The following NIBAN2 variants were observed in gnomAD, a reference collection of about 807,000 sequenced individuals.
NIBAN2 encodes protein Niban 2.
Under a neutral mutation model 81.8 loss-of-function variants are expected in NIBAN2, and 36 were observed. The observed-to-expected ratio is 0.44, with a 90% CI of 0.34 to 0.58. The LOEUF is 0.58. NIBAN2 is among the 20% of genes least tolerant of loss of function. The pLI, the probability that NIBAN2 is intolerant of heterozygous loss-of-function variation, is 0.02. For missense variants in NIBAN2, 897 were observed against 1,014.1 expected (o/e 0.88, Z 1.57); for synonymous variants, 445 against 441.6 (o/e 1.01, Z -0.10).
rs1473349590 is a variant in NIBAN2, at chr9:127,506,822, G to A, written c.*23C>T. 3.2e-6 allele frequency: 5 copies of A among 1,572,074 alleles called. No individual in the cohort carries two copies. The highest frequency in any genetic ancestry group is 4.3e-6 in the Non-Finnish European group (5 of 1,155,758). The stretch of plus-strand genomic sequence containing the variant: ...CGGAAGGGAACGGCCTGTGCCATGT[G>A]CAGCAGTCAGGGACCCACTGGCCTA... On this transcript the variant is annotated 3_prime_UTR_variant, in exon 14 of 14. Transcript: ENST00000373312.
chr9:127,508,139 A>G lies in NIBAN2; in HGVS notation c.1496T>C (p.Ile499Thr). The G allele has an allele frequency of 6.2e-7, 1 of 1,613,676 alleles. No homozygotes were observed. The highest frequency in any genetic ancestry group is 1.3e-5 in the African/African-American group (1 of 75,032). Residue 499 changes from isoleucine (I) to threonine (T), a missense_variant, in exon 12 of 14, where the codon ATC (isoleucine) becomes ACC (threonine). Physicochemically the swap from Ile to Thr is moderately conservative, Grantham distance 89. Coordinates refer to ENST00000373312, the MANE Select transcript of NIBAN2 (RefSeq NM_022833.4). This position sits in a 1 kb window ranked among gnomAD's most constrained non-coding sequence, Gnocchi z 6.4. ...CTTCTTGAGCAGGAACGGGATGCTG[A>G]TCTGCAGCAGCGCCTCCCGGAAGAA... Reference protein sequence around the residue: ...KRFFREALLQISIPFLLKKLA... With the variant: ...KRFFREALLQTSIPFLLKKLA...
intron 1 of NIBAN2, 45 bp downstream of exon 1, chr9:127,568,775 G>C (rs1399009587): frequency 8.0e-6 from 10 of 1,252,924 alleles, no homozygotes; most frequent in Admixed American, 4.3e-5. Flanking sequence ...TGGTCCGGGG[G>C]TTCCGGCAGG....
chr9:127,523,752 G>C lies in NIBAN2; in HGVS notation c.516C>G (p.Phe172Leu), dbSNP rs750109688. The change falls in exon 5 of 14, where the codon TTC becomes TTG. Residue 172 changes from phenylalanine to leucine, a missense_variant. Around this residue, in one of 3 missense-constraint regions of NIBAN2, gnomAD observed 69 missense variants for 114.7 expected, o/e 0.60. Transcript: ENST00000373312. The part of the protein sequence containing the change: ...LWHPYARHYY[F>L]CMMTEAEQDK... ...CCTGCTCGGCTTCTGTCATCATGCA[G>C]AAGTAGTAGTGACGCGCATAAGGAT... 2 of 1,614,104 alleles carry C rather than the reference G, an allele frequency of 1.2e-6. No individual in the cohort carries two copies. The highest frequency in any genetic ancestry group is 1.7e-6 in the Non-Finnish European group (2 of 1,180,022).
intron 1 of NIBAN2, among the ~76,000 whole-genome samples, chr9:127,546,061 G>A (rs1164637983): frequency 6.6e-6 from 1 of 152,114 alleles, no homozygotes; most frequent in Non-Finnish European, 1.5e-5. Context: ...CCAGGGGGTG[G>A]GCACCCAAGG....
chr9:127,564,758 A>G (rs2488898), intron 1 of NIBAN2, among the ~76,000 whole-genome samples: 28,550 of 151,744 alleles, frequency 0.19, 3,213 homozygotes, highest in East Asian at 0.29. Flanking sequence ...CTGTAATCCC[A>G]GCTACTCAGG....
intron 5 of NIBAN2, among the ~76,000 whole-genome samples, chr9:127,522,306 G>T (rs1168082028): frequency 6.6e-6 from 1 of 152,154 alleles, no homozygotes; most frequent in Admixed American, 6.5e-5. Flanking sequence ...TGAGTCCCAC[G>T]GCAGCAGCCC....
At chr9:127,561,158 C>T in intron 1 of NIBAN2, 1 of 985,578 alleles carries the variant, frequency 1.0e-6, no homozygotes, top group Non-Finnish European at 1.2e-6. Flanking sequence ...CTTGCTGGAA[C>T]CACAGCCCCA....
chr9:127,520,744 T>C lies in NIBAN2; in HGVS notation c.590-2803A>G, dbSNP rs573916525. 3.5e-4 allele frequency among the ~76,000 whole-genome samples: 53 copies of C among 151,804 alleles called. 1 individual carries two copies. The highest frequency in any genetic ancestry group is 1.5e-3 in the South Asian group (7 of 4,800). On this transcript the variant is annotated intron_variant, in intron 5 of 13. Transcript: ENST00000373312. ...TTCTGGCTACAAAAAATTAGCCAGG[T>C]GTGGTGGCACACGCCTGTAGTCCCA...
intron 5 of NIBAN2, 130 bp downstream of exon 5, chr9:127,523,549 C>G (rs1391539561): frequency 1.2e-6 from 1 of 862,742 alleles, no homozygotes; most frequent in Admixed American, 2.4e-5. Flanking sequence ...CTTATAACCC[C>G]AGAAGGGAAA....
At chr9:127,550,966 C>T (rs1049969695) in intron 1 of NIBAN2, among the ~76,000 whole-genome samples, 3 of 152,146 alleles carry the variant, frequency 2.0e-5, no homozygotes, top group African/African-American at 7.2e-5. Flanking sequence ...TGTGCTGGGC[C>T]GGTGAAAGGC....
Position 127,507,937 on chromosome 9 carries a change from G to C in NIBAN2, c.1584C>G (p.Ala528=). 1 of 1,614,192 alleles carries C rather than the reference G, an allele frequency of 6.2e-7. No individual in the cohort carries two copies. The highest frequency in any genetic ancestry group is 1.1e-5 in the South Asian group (1 of 91,084). The change falls in exon 13 of 14, where the codon GCC becomes GCG. Residue 528 remains alanine (A), a synonymous_variant. Coordinates refer to ENST00000373312, the MANE Select transcript of NIBAN2 (RefSeq NM_022833.4). This position sits in a 1 kb window ranked among gnomAD's most constrained non-coding sequence, Gnocchi z 6.8. ...RFQELIFEDF[A]RFILVENTYE... ...ACGTGTTTTCCACCAGGATGAACCT[G>C]GCAAAGTCCTCGAAGATCAGCTCCT...
intron 8 of NIBAN2, among the ~76,000 whole-genome samples, chr9:127,516,543 C>A (rs141031647): frequency 6.6e-6 from 1 of 152,124 alleles, no homozygotes; most frequent in Admixed American, 6.6e-5. Flanking sequence ...AATAAACTGA[C>A]CTGGGAAAGC....
chr9:127,508,233 G>A lies in NIBAN2; in HGVS notation c.1435-33C>T, dbSNP rs1214364388. The A allele has an allele frequency of 2.6e-6, 4 of 1,557,308 alleles. No individual in the cohort carries two copies. Among genetic ancestry groups the A allele is most frequent in the South Asian group, 2.2e-5 (2 of 89,632 alleles). ...GAACAAGGGGGTCGGGGGTCTGCAG[G>A]TCAGTGGGCTCCATTGGCCCTGAGG... On this transcript the variant is annotated intron_variant, in intron 11 of 13. Coordinates refer to ENST00000373312, the MANE Select transcript of NIBAN2 (RefSeq NM_022833.4). The surrounding 1 kb of genome is among the most constrained non-coding windows in gnomAD (Gnocchi z 6.4).
chr9:127,556,703 T>C (rs578017272), intron 1 of NIBAN2, among the ~76,000 whole-genome samples: 1 of 152,328 alleles, frequency 6.6e-6, no homozygotes, highest in South Asian at 2.1e-4. Flanking sequence ...AAGTCTGAGC[T>C]GTGAGGCCAC....
intron 8 of NIBAN2, among the ~76,000 whole-genome samples, chr9:127,515,434 TGG>T (rs1836808503): frequency 6.9e-6 from 1 of 145,760 alleles, no homozygotes; most frequent in African/African-American, 2.6e-5. Flanking sequence ...GGCAGGAGAA[TGG>T]TGTGAACCCG....
intron 8 of NIBAN2, among the ~76,000 whole-genome samples, chr9:127,512,370 C>G (rs891817887): frequency 6.6e-6 from 1 of 151,694 alleles, no homozygotes; most frequent in Non-Finnish European, 1.5e-5. Flanking sequence ...ACTGCAGCCT[C>G]TGCCTCCCAG....
chr9:127,547,516 CA>C (rs1460497986), intron 1 of NIBAN2, among the ~76,000 whole-genome samples: 1 of 148,572 alleles, frequency 6.7e-6, no homozygotes, highest in Non-Finnish European at 1.5e-5. Flanking sequence ...GACTCCATCT[CA>C]AAAAACACAA....
chr9:127,544,366 C>T (rs963621528), intron 1 of NIBAN2, among the ~76,000 whole-genome samples: 2 of 152,168 alleles, frequency 1.3e-5, no homozygotes, highest in African/African-American at 4.8e-5. Context: ...TAGTCCTCCA[C>T]CACCACCTCA....
In NIBAN2 at chr9:127,510,295, G is replaced by C. The variant is rs1836710782; in HGVS notation, c.1012C>G (p.His338Asp). 2 of 1,613,788 alleles carry C rather than the reference G, an allele frequency of 1.2e-6. No homozygotes were observed. Among genetic ancestry groups the C allele is most frequent in the Non-Finnish European group, 8.5e-7 (1 of 1,179,738 alleles). Residue 338 changes from histidine (H) to aspartate (D), a missense_variant, in exon 9 of 14, where the codon CAT (histidine) becomes GAT (aspartate). By Grantham distance (81) the His-to-Asp change is moderately conservative. Transcript: ENST00000373312. ...ATGGATGGGATGTAGGGCTGGACAT[G>C]GTTCCGCACGCACACCTCTGCCTTG... ...LPKAEVCVRN[H>D]VQPYIPSILE...
Sources: gnomAD v4.1 joint callset for allele counts (sites outside exome capture counted in the v4.1 genomes callset) on GRCh38, gnomAD v4.1.1 for gene constraint, gnomAD v4.1.1 regional missense constraint, Gnocchi (gnomAD v3.1) non-coding constraint, MANE v1.5 for transcripts, NCBI Gene and HGNC (gene_info 2026-07-23, HGNC 2026-07-21) for gene names.